The following STX8 variants were observed in gnomAD, a reference collection of about 807,000 sequenced individuals.
STX8 encodes syntaxin-8.
A neutral mutation model predicts 37.5 loss-of-function variants in STX8; 23 were observed. That is an observed-to-expected ratio of 0.61 (90% CI 0.44 to 0.87). The LOEUF (loss-of-function observed/expected upper bound fraction) is 0.87. Among genes scored for constraint, STX8 ranks in the 40% least tolerant of loss-of-function variants. The pLI, the probability that STX8 is intolerant of heterozygous loss-of-function variation, is 0.00. For synonymous variants in STX8, 115 were observed against 99.1 expected (o/e 1.16, Z -0.95); for missense variants, 313 against 284.7 (o/e 1.10, Z -0.71).
chr17:9,354,137 T>C (rs1387223169), intron 7 of STX8, among the ~76,000 whole-genome samples: 1 of 152,118 alleles, frequency 6.6e-6, no homozygotes, highest in Non-Finnish European at 1.5e-5. Flanking sequence ...AGTATTTAGC[T>C]CTCTTGTACT....
intron 6 of STX8, among the ~76,000 whole-genome samples, chr17:9,391,926 A>G (rs970983144): frequency 2.0e-5 from 3 of 152,202 alleles, no homozygotes; most frequent in African/African-American, 7.2e-5. Context: ...TGAGAAGTGC[A>G]TACACGGAGC....
rs78850819 is a variant in STX8, at chr17:9,512,315, C to T, written c.324-7153G>A. 4.8e-3 allele frequency among the ~76,000 whole-genome samples: 736 copies of T among 152,208 alleles called. 3 individuals are homozygous for T. The highest frequency in any genetic ancestry group is 0.017 in the African/African-American group (691 of 41,530). ...TAAGCAAAAAGAACAAAGCTGGAGG[C>T]ATCACACTACCAGACTTCAAAATAT... On this transcript the variant is annotated intron_variant, in intron 4 of 7. Transcript: ENST00000306357.
chr17:9,546,845 C>T (rs1906548200), intron 3 of STX8, among the ~76,000 whole-genome samples: 1 of 151,102 alleles, frequency 6.6e-6, no homozygotes, highest in Non-Finnish European at 1.5e-5. Context: ...GATCCGTTCA[C>T]CTCAGCCTCC....
At chr17:9,479,362 C>G (rs574585334) in intron 6 of STX8, among the ~76,000 whole-genome samples, 1 of 152,008 alleles carries the variant, frequency 6.6e-6, no homozygotes, top group Non-Finnish European at 1.5e-5. Flanking sequence ...GGCGAAAACC[C>G]ATCTCTACTA....
intron 7 of STX8, among the ~76,000 whole-genome samples, chr17:9,365,108 GAGAA>G (rs1324481518): frequency 6.6e-6 from 1 of 152,062 alleles, no homozygotes; most frequent in Non-Finnish European, 1.5e-5. Flanking sequence ...AGATAGATAT[GAGAA>G]AGAGAGATCC....
rs34205577 is a variant in STX8 at position 9,390,836 on chromosome 17, C to CAAA, written c.542-12186_542-12184dup. Among the ~76,000 whole-genome samples, 189 of 93,480 alleles carry CAAA rather than the reference C, an allele frequency of 2.0e-3. 3 individuals are homozygous for CAAA. The highest frequency in any genetic ancestry group is 6.2e-3 in the African/African-American group (145 of 23,328). 61.3% of individuals were successfully genotyped at this position (93,480 alleles called of 152,430 possible). A position where few individuals can be genotyped will look rare whatever the true frequency, so the allele number is the denominator to read the frequency against. ...TGGGCGACAGAGCGAGACTCCGTCT[C>CAAA]AAAAAAAAAAAAAAAAAAAGAAGGG... On this transcript the variant is annotated intron_variant, in intron 6 of 7. Coordinates refer to ENST00000306357, the MANE Select transcript of STX8 (RefSeq NM_004853.3).
intron 7 of STX8, among the ~76,000 whole-genome samples, chr17:9,347,403 A>C (rs941373926): frequency 1.3e-5 from 2 of 152,198 alleles, no homozygotes; most frequent in Admixed American, 6.5e-5. Context: ...TTTCCTTTTT[A>C]AAAATAAATT....
chr17:9,481,331 G>C (rs8081012), intron 6 of STX8, among the ~76,000 whole-genome samples: 135,162 of 152,272 alleles, frequency 0.89, 60,196 homozygotes, highest in East Asian at 0.99. Flanking sequence ...ACCTGCCAAA[G>C]AGTAACAGGA....
intron 4 of STX8, among the ~76,000 whole-genome samples, chr17:9,509,773 A>T (rs536277978): frequency 1.3e-5 from 2 of 152,168 alleles, no homozygotes; most frequent in Admixed American, 1.3e-4. Flanking sequence ...CTCACCTATT[A>T]ATAATAACCT....
At chr17:9,278,404 A>G (rs1027579820) in intron 7 of STX8, among the ~76,000 whole-genome samples, 5 of 152,038 alleles carry the variant, frequency 3.3e-5, no homozygotes, top group Non-Finnish European at 7.4e-5. Flanking sequence ...AGCTGAGATC[A>G]CGCCATTTCA....
chr17:9,373,527 T>C (rs1057140240), intron 7 of STX8, among the ~76,000 whole-genome samples: 1 of 152,136 alleles, frequency 6.6e-6, no homozygotes, highest in Admixed American at 6.6e-5. Context: ...ATGATCCCGC[T>C]TACAATAGGT....
chr17:9,337,276 G>A (rs1207418737), intron 7 of STX8, among the ~76,000 whole-genome samples: 1 of 152,200 alleles, frequency 6.6e-6, no homozygotes, highest in Non-Finnish European at 1.5e-5. Flanking sequence ...GTATTTCAAA[G>A]GAGGTTGATA....
At chr17:9,557,648 G>A (rs1476403602) in intron 2 of STX8, 120 bp from the exon 3 acceptor site, 2 of 822,952 alleles carry the variant, frequency 2.4e-6, no homozygotes, top group East Asian at 5.7e-5. Context: ...GGAAGAGATA[G>A]ATACTCAGCC....
At chr17:9,519,092 C>T (rs1445623560) in intron 4 of STX8, among the ~76,000 whole-genome samples, 3 of 152,086 alleles carry the variant, frequency 2.0e-5, no homozygotes, top group Non-Finnish European at 4.4e-5. Flanking sequence ...CATATAAAAA[C>T]ATTCAGGCAA....
At chr17:9,344,609 AG>A (rs2142236294) in intron 7 of STX8, among the ~76,000 whole-genome samples, 1 of 152,206 alleles carries the variant, frequency 6.6e-6, no homozygotes, top group South Asian at 2.1e-4. Flanking sequence ...TTCAGTGCCC[AG>A]GCACACTGAG....
chr17:9,263,022 A>G (rs1353207523), intron 7 of STX8, among the ~76,000 whole-genome samples: 1 of 152,226 alleles, frequency 6.6e-6, no homozygotes, highest in African/African-American at 2.4e-5. Flanking sequence ...CTTTTGCTTT[A>G]CTACTTTAGT....
chr17:9,255,703 T>G (rs1906770089), intron 7 of STX8, among the ~76,000 whole-genome samples: 1 of 152,136 alleles, frequency 6.6e-6, no homozygotes, highest in South Asian at 2.1e-4. Flanking sequence ...ATAAGGCTTT[T>G]ATATTTTAAA....
At chr17:9,340,485 A>T (rs2142230346) in intron 7 of STX8, among the ~76,000 whole-genome samples, 1 of 152,304 alleles carries the variant, frequency 6.6e-6, no homozygotes, top group Non-Finnish European at 1.5e-5. Flanking sequence ...CATGATAAAC[A>T]CTAGCATGGT....
At position 9,545,323 on chromosome 17, in the gene STX8, C is replaced by G. The variant is rs964211608; in HGVS notation, c.213-41G>C. ...TAAGGTTCAATGGTGAATAAATGAC[C>G]TCGTTTTAACTATTACATTATTAAG... On this transcript the variant is annotated intron_variant, in intron 3 of 7. Coordinates refer to ENST00000306357, the MANE Select transcript of STX8 (RefSeq NM_004853.3). The G allele has an allele frequency of 2.2e-6, 3 of 1,375,778 alleles. No individual in the cohort carries two copies. The African/African-American group carries it at 4.3e-5, about 20-fold the overall frequency. 85.2% of individuals were successfully genotyped at this position (1,375,778 alleles called of 1,614,324 possible).
Sources: gnomAD v4.1 joint callset for allele counts (sites outside exome capture counted in the v4.1 genomes callset) on GRCh38, gnomAD v4.1.1 for gene constraint, MANE v1.5 for transcripts, NCBI Gene and HGNC (gene_info 2026-07-23, HGNC 2026-07-21) for gene names.